UMODL1: variants seen among roughly 807,000 people sequenced by gnomAD.
The protein encoded by UMODL1 is uromodulin like 1, also known as uromodulin-like 1.
A neutral mutation model predicts 136.3 loss-of-function variants in UMODL1; 128 were observed. That is an observed-to-expected ratio of 0.94 (90% confidence interval 0.81 to 1.09). The LOEUF (loss-of-function observed/expected upper bound fraction) is 1.09, where lower values mean the gene tolerates loss of function less well. Among genes scored for constraint, UMODL1 ranks in the 50% least tolerant of loss-of-function variants. The pLI, the probability that UMODL1 is intolerant of heterozygous loss-of-function variation, is 0.00. For missense variants in UMODL1, 1,766 were observed against 1,725.6 expected (o/e 1.02, Z -0.41); for synonymous variants, 721 against 720.0 (o/e 1.00, Z -0.02).
At chr21:42,069,517 G>A (rs2066211105), upstream of UMODL1, among the ~76,000 whole-genome samples, 1 of 152,196 alleles carries the variant, frequency 6.6e-6, no homozygotes, top group African/African-American at 2.4e-5. Flanking sequence ...GTGGAGTGGA[G>A]TGTGAAGAAC....
Position 42,123,184 on chromosome 21 carries a change from C to G in UMODL1, c.3147+34C>G, listed in dbSNP as rs1431372080. 1 of 1,581,626 alleles carries G rather than the reference C, an allele frequency of 6.3e-7. No homozygotes were observed. Among genetic ancestry groups the G allele is most frequent in the African/African-American group, 1.3e-5 (1 of 74,440 alleles). On this transcript the variant is annotated intron_variant, in intron 17 of 22. Transcript: ENST00000408910. The surrounding 1 kb of genome is among the most constrained non-coding windows in gnomAD (Gnocchi z 4.4). ...AGGAGAGCCAGGCTCAGGATGTACACTAGGGCGCAAGGGGCTCTAGGTTAC... is the reference window on the plus strand; with the variant it reads ...AGGAGAGCCAGGCTCAGGATGTACAGTAGGGCGCAAGGGGCTCTAGGTTAC...
chr21:42,121,672 G>T (rs145363357), intron 16 of UMODL1, among the ~76,000 whole-genome samples: 2 of 152,206 alleles, frequency 1.3e-5, no homozygotes, highest in African/African-American at 2.4e-5. Flanking sequence ...CTGACCCCAC[G>T]TTGGCCACTG....
intron 1 of UMODL1, among the ~76,000 whole-genome samples, chr21:42,074,644 C>T (rs902488801): frequency 2.6e-5 from 4 of 152,102 alleles, no homozygotes; most frequent in South Asian, 4.2e-4. Context: ...TATGTGGGGC[C>T]CAATAGGGTA....
intron 20 of UMODL1, among the ~76,000 whole-genome samples, chr21:42,128,803 C>T (rs542061465): frequency 2.2e-4 from 34 of 152,320 alleles, no homozygotes; most frequent in African/African-American, 7.0e-4. Flanking sequence ...ACAAGAGGAG[C>T]GGCACACAGT....
chr21:42,083,982 A>T, intron 2 of UMODL1, 102 bp from the exon 3 acceptor site: 2 of 1,424,576 alleles, frequency 1.4e-6, no homozygotes, highest in South Asian at 2.6e-5. Flanking sequence ...ACAGACCTAC[A>T]GGCAGAATTC....
chr21:42,074,309 G>C lies in UMODL1; in HGVS notation c.77-1696G>C, dbSNP rs543248649. Among the ~76,000 whole-genome samples the C allele has an allele frequency of 7.9e-5, 12 of 152,212 alleles. No homozygotes were observed. The East Asian group carries it at 2.1e-3, about 27-fold the overall frequency. On this transcript the variant is annotated intron_variant, in intron 1 of 22. Transcript: ENST00000408910. The stretch of plus-strand genomic sequence containing the variant: ...TCTCCACATTTCCCTTTAGTATAAG[G>C]GCCAGTCATATTGTATTAGGGCCCA...
At chr21:42,096,414 CTTAAT>C (rs1001369282) in intron 6 of UMODL1, among the ~76,000 whole-genome samples, 2 of 152,306 alleles carry the variant, frequency 1.3e-5, no homozygotes, top group Non-Finnish European at 2.9e-5. Flanking sequence ...CCCCTGGCAT[CTTAAT>C]TTAAAGAGTA....
At chr21:42,082,075 G>A (rs772125972) in intron 2 of UMODL1, among the ~76,000 whole-genome samples, 18 of 152,218 alleles carry the variant, frequency 1.2e-4, no homozygotes, top group Non-Finnish European at 2.5e-4. Context: ...AGAGAGTGCG[G>A]CTGAGAGGAA....
In UMODL1 at chr21:42,142,732, A is replaced by G. The variant is rs1004752177; in HGVS notation, c.*658A>G. ...TTCAATAAGCAGAAATAACGTAGGT[A>G]CACATCACTCTTTACATTTTTCTAA... is the stretch of plus-strand genomic sequence containing the variant. On this transcript the variant is annotated 3_prime_UTR_variant, in exon 23 of 23. Coordinates refer to ENST00000408910, the MANE Select transcript of UMODL1 (RefSeq NM_001004416.3). The G allele has an allele frequency of 3.9e-5, 6 of 152,244 alleles. No individual in the cohort carries two copies. The highest frequency in any genetic ancestry group is 3.8e-4 in the East Asian group (2 of 5,200). The allele number at this position is 152,244 out of a possible 1,614,324, so 9.4% of individuals were successfully genotyped here.
intron 6 of UMODL1, 130 bp from the exon 7 acceptor site, chr21:42,098,796 G>A (rs2066589405): frequency 1.4e-6 from 2 of 1,420,570 alleles, no homozygotes; most frequent in Non-Finnish European, 1.9e-6. Context: ...AGCCAGTGCT[G>A]TTCTGGATGG....
At chr21:42,093,375 A>T (rs1295643398) in intron 6 of UMODL1, 1 of 153,270 alleles carries the variant, frequency 6.5e-6, no homozygotes, top group East Asian at 1.9e-4. Flanking sequence ...GCGCCACCAC[A>T]GCTGGCTCAT....
At chr21:42,110,818 T>A in intron 10 of UMODL1, 62 bp from the exon 11 acceptor site, 1 of 1,474,598 alleles carries the variant, frequency 6.8e-7, no homozygotes, top group Non-Finnish European at 9.2e-7. Flanking sequence ...GCTGCCCTCC[T>A]GGGAGGGCTC....
In UMODL1 at chr21:42,121,193, C is replaced by T. The variant is rs202209809; in HGVS notation, c.2796C>T (p.Phe932=). 1.4e-5 allele frequency: 22 copies of T among 1,613,946 alleles called. No homozygotes were observed. In the East Asian group the frequency reaches 4.7e-4, roughly 34 times the overall value. ...TCSCEGGAPD[F]PVEYSERPCE... The stretch of plus-strand genomic sequence containing the variant: ...GCTGCGAGGGAGGAGCCCCCGACTT[C>T]CCTGTGGAATATTCTGAGAGACCCT... Residue 932 remains phenylalanine (F), a synonymous_variant, in exon 16 of 23, where the codon TTC becomes TTT. Transcript: ENST00000408910.
At chr21:42,090,627 C>G (rs964721775) in intron 6 of UMODL1, among the ~76,000 whole-genome samples, 189 bp downstream of exon 6, 4 of 152,206 alleles carry the variant, frequency 2.6e-5, no homozygotes, top group Non-Finnish European at 5.9e-5. Context: ...CACAATTCTA[C>G]TTATAGCATT....
chr21:42,073,846 C>G (rs1435056539), intron 1 of UMODL1, among the ~76,000 whole-genome samples: 7 of 152,158 alleles, frequency 4.6e-5, no homozygotes, highest in African/African-American at 1.7e-4. Context: ...TGAGGGAAAT[C>G]AACTGTAATA....
chr21:42,072,078 A>G (rs2066239011), intron 1 of UMODL1, among the ~76,000 whole-genome samples: 1 of 151,878 alleles, frequency 6.6e-6, no homozygotes, highest in African/African-American at 2.4e-5. Flanking sequence ...AAAAGCCACA[A>G]TACAAAAACA....
In UMODL1 at chr21:42,111,486, C is replaced by T; in HGVS notation, c.1900-20C>T. 6.2e-7 allele frequency: 1 copy of T among 1,613,778 alleles called. No individual in the cohort carries two copies. Among genetic ancestry groups the T allele is most frequent in the Non-Finnish European group, 8.5e-7 (1 of 1,179,768 alleles). ...TTCCCTCCTGGGGCCACAGATGGCC[C>T]ACTGGCCCTCCCTGGACAGCTACAG... On this transcript the variant is annotated intron_variant, in intron 11 of 22. Coordinates refer to ENST00000408910, the MANE Select transcript of UMODL1 (RefSeq NM_001004416.3).
intron 22 of UMODL1, among the ~76,000 whole-genome samples, chr21:42,139,784 T>C (rs2067254682): frequency 6.6e-6 from 1 of 152,154 alleles, no homozygotes; most frequent in Non-Finnish European, 1.5e-5. Context: ...GTGACTGGTC[T>C]CTAGCACTGG....
rs56804381 is a variant in UMODL1 at position 42,129,698 on chromosome 21, G to GAA, written c.3691-5_3691-4dup. ...AATTAATTTGACGTTTCTCTTCTTG[G>GAA]AAAAAAAAAAACAGAATTGCAATAA... On this transcript the variant is annotated splice_polypyrimidine_tract_variant and intron_variant, in intron 20 of 22. Transcript: ENST00000408910. 223 of 1,225,710 alleles carry GAA rather than the reference G, an allele frequency of 1.8e-4. No individual in the cohort carries two copies. Among genetic ancestry groups the GAA allele is most frequent in the Admixed American group, 5.8e-4 (23 of 39,736 alleles). The allele number at this position is 1,225,710 out of a possible 1,614,324, so 75.9% of individuals were successfully genotyped here.
Sources: allele counts gnomAD v4.1 joint callset (sites outside exome capture counted in the v4.1 genomes callset), GRCh38; gene constraint gnomAD v4.1.1; non-coding constraint Gnocchi (gnomAD v3.1); transcripts MANE v1.5; gene names NCBI Gene and HGNC (gene_info 2026-07-23, HGNC 2026-07-21).